The following PTPRN2 variants were observed in gnomAD, a reference collection of about 807,000 sequenced individuals.
PTPRN2 encodes the protein protein tyrosine phosphatase receptor type N2, also known as receptor-type tyrosine-protein phosphatase N2.
A neutral mutation model predicts 118.8 loss-of-function variants in PTPRN2; 74 were observed. The ratio of observed to expected loss-of-function variants is 0.62; its 90% confidence interval spans 0.52 to 0.76. The LOEUF (loss-of-function observed/expected upper bound fraction) is 0.76, where lower values mean the gene tolerates loss of function less well. Among genes scored for constraint, PTPRN2 ranks in the 30% least tolerant of loss-of-function variants. The pLI is 0.00. For missense variants in PTPRN2, 1,481 were observed against 1,394.4 expected (o/e 1.06, Z -0.99); for synonymous variants, 641 against 608.0 (o/e 1.05, Z -0.80).
intron 2 of PTPRN2, among the ~76,000 whole-genome samples, chr7:158,354,649 A>G (rs1808248362): frequency 6.6e-6 from 1 of 152,210 alleles, no homozygotes. Flanking sequence ...GAAAAAGAAC[A>G]AAGAATGAAA....
chr7:157,549,006 A>G lies in PTPRN2; in HGVS notation c.2916T>C (p.Ile972=). 6.2e-7 allele frequency: 1 copy of G among 1,614,204 alleles called. No individual in the cohort carries two copies. The change falls in exon 22 of 23, where the codon ATT becomes ATC. Residue 972 remains isoleucine, a synonymous_variant. Transcript: ENST00000389418. Reference sequence around the variant, plus strand: ...AGTGCTCCAGGGTCGCTGCGATATCAATCTCTTTAGCACCTGCAACAAACC... The same window carrying G: ...AGTGCTCCAGGGTCGCTGCGATATCGATCTCTTTAGCACCTGCAACAAACC... ...LNKMAKGAKE[I]DIAATLEHLR...
At chr7:157,543,926 G>C (rs929728100) in intron 22 of PTPRN2, among the ~76,000 whole-genome samples, 2 of 152,218 alleles carry the variant, frequency 1.3e-5, no homozygotes, top group Non-Finnish European at 2.9e-5. Context: ...GTGTACACCA[G>C]GGCGGAGGGA....
chr7:158,322,589 G>C (rs796126409), intron 2 of PTPRN2, among the ~76,000 whole-genome samples: 7 of 147,766 alleles, frequency 4.7e-5, no homozygotes, highest in East Asian at 2.0e-4. Flanking sequence ...AGTGGGCAAC[G>C]GGGAGGGAGC....
chr7:158,010,102 G>A (rs1805934920), intron 11 of PTPRN2, among the ~76,000 whole-genome samples: 1 of 152,220 alleles, frequency 6.6e-6, no homozygotes, highest in African/African-American at 2.4e-5. Flanking sequence ...GGAGGAGGCA[G>A]GGGCCTGTGT....
chr7:158,512,258 GT>G (rs2129447102), intron 1 of PTPRN2, among the ~76,000 whole-genome samples: 1 of 152,318 alleles, frequency 6.6e-6, no homozygotes, highest in East Asian at 1.9e-4. Context: ...TGATAAACTT[GT>G]TTCCCAAGAG....
At chr7:158,129,489 C>G (rs374526560) in intron 9 of PTPRN2, among the ~76,000 whole-genome samples, 3 of 123,786 alleles carry the variant, frequency 2.4e-5, no homozygotes, top group African/African-American at 5.4e-5. Flanking sequence ...ACACACAGCA[C>G]ACACACACAC....
intron 12 of PTPRN2, among the ~76,000 whole-genome samples, chr7:157,884,990 G>A (rs1172914029): frequency 1.3e-5 from 2 of 152,198 alleles, no homozygotes; most frequent in African/African-American, 4.8e-5. Context: ...ATGGATGCAG[G>A]AGGTGCACAT....
At chr7:157,847,638 A>G (rs4716789) in intron 12 of PTPRN2, among the ~76,000 whole-genome samples, 157 of 117,044 alleles carry the variant, frequency 1.3e-3, no homozygotes, top group African/African-American at 3.4e-3. Flanking sequence ...ATGTGTGCCC[A>G]ATGTCTACAG....
intron 2 of PTPRN2, among the ~76,000 whole-genome samples, chr7:158,388,640 C>T (rs983355975): frequency 2.0e-5 from 3 of 152,184 alleles, no homozygotes; most frequent in Non-Finnish European, 2.9e-5. Flanking sequence ...GCAGGTTTCA[C>T]GTACATAGGC....
At chr7:157,589,209 G>C (rs1238169990) in intron 17 of PTPRN2, among the ~76,000 whole-genome samples, 1 of 152,194 alleles carries the variant, frequency 6.6e-6, no homozygotes, top group Admixed American at 6.5e-5. Context: ...TGGAATGATG[G>C]GAGGCTCACG....
chr7:157,625,046 G>C (rs909024075), intron 14 of PTPRN2, among the ~76,000 whole-genome samples: 2 of 152,182 alleles, frequency 1.3e-5, no homozygotes, highest in African/African-American at 4.8e-5. Context: ...CCTTCCTCCT[G>C]CAAGAATGGC....
chr7:158,309,598 A>G (rs1248158132), intron 3 of PTPRN2, among the ~76,000 whole-genome samples: 1 of 152,232 alleles, frequency 6.6e-6, no homozygotes, highest in Non-Finnish European at 1.5e-5. Flanking sequence ...AAAACCAAAG[A>G]TATCAAAAGA....
intron 12 of PTPRN2, among the ~76,000 whole-genome samples, chr7:157,826,789 G>A (rs1430909250): frequency 6.6e-6 from 1 of 152,096 alleles, no homozygotes; most frequent in East Asian, 1.9e-4. Flanking sequence ...CCAGAGGGTG[G>A]GCAGAACATG....
chr7:157,846,335 C>T (rs1432054985), intron 12 of PTPRN2, among the ~76,000 whole-genome samples: 2 of 152,190 alleles, frequency 1.3e-5, no homozygotes, highest in Non-Finnish European at 2.9e-5. Flanking sequence ...AACCTAAGAA[C>T]AGTCCGTTTC....
At chr7:158,175,773 A>G (rs1443823694) in intron 5 of PTPRN2, among the ~76,000 whole-genome samples, 1 of 152,178 alleles carries the variant, frequency 6.6e-6, no homozygotes, top group Non-Finnish European at 1.5e-5. Flanking sequence ...GTCCTAAACT[A>G]CTTGGGATCA....
At chr7:158,063,081 G>C (rs1335277382) in intron 11 of PTPRN2, among the ~76,000 whole-genome samples, 1 of 152,240 alleles carries the variant, frequency 6.6e-6, no homozygotes, top group East Asian at 1.9e-4. Context: ...CTAAGGGGTT[G>C]TAAATACTCC....
intron 1 of PTPRN2, among the ~76,000 whole-genome samples, chr7:158,527,985 C>T (rs1025857242): frequency 2.0e-5 from 3 of 152,148 alleles, no homozygotes; most frequent in African/African-American, 4.8e-5. Flanking sequence ...TGATCCCGCC[C>T]GACACACAGC....
intron 7 of PTPRN2, 132 bp from the exon 8 acceptor site, chr7:158,136,827 G>A (rs1818865899): frequency 3.7e-6 from 3 of 807,070 alleles, no homozygotes; most frequent in Admixed American, 4.6e-5. Flanking sequence ...CCTAAGTCCT[G>A]CCATAGAGTA....
At chr7:157,752,831 AG>A (rs543857201) in intron 12 of PTPRN2, among the ~76,000 whole-genome samples, 7 of 152,380 alleles carry the variant, frequency 4.6e-5, no homozygotes, top group Admixed American at 4.6e-4. Context: ...AGGGATGGCG[AG>A]GGCCGCCAAG....
Sources: gnomAD v4.1 joint callset for allele counts (sites outside exome capture counted in the v4.1 genomes callset) on GRCh38, gnomAD v4.1.1 for gene constraint, MANE v1.5 for transcripts, NCBI Gene and HGNC (gene_info 2026-07-23, HGNC 2026-07-21) for gene names.